EXOC6B: variants seen among roughly 807,000 people sequenced by gnomAD.
EXOC6B encodes SEC15 homolog B.
Under a neutral mutation model 113.5 loss-of-function variants are expected in EXOC6B, and 54 were observed. The observed-to-expected ratio is 0.48, with a 90% CI of 0.38 to 0.60. The LOEUF is 0.60. Ranked by LOEUF, EXOC6B falls within the 20% of genes least tolerant of loss-of-function variation. The pLI is 0.00. For missense variants in EXOC6B, 797 were observed against 977.5 expected (o/e 0.82, Z 2.46); for synonymous variants, 357 against 339.0 (o/e 1.05, Z -0.58).
rs182563735 is a variant in EXOC6B at position 72,416,629 on chromosome 2, G to A, written c.1981-36759C>T. On this transcript the variant is annotated intron_variant, in intron 18 of 21. Coordinates refer to ENST00000272427, the MANE Select transcript of EXOC6B (RefSeq NM_015189.3). ...TAATTGGGTCCTGGTTCTTCTCTTTGGGAAAAGTTTCCCAGTTTACTGTTC... is the reference window on the plus strand; with the variant it reads ...TAATTGGGTCCTGGTTCTTCTCTTTAGGAAAAGTTTCCCAGTTTACTGTTC... 1.6e-4 allele frequency among the ~76,000 whole-genome samples: 24 copies of A among 152,228 alleles called. 2 individuals are homozygous for A. Among genetic ancestry groups the A allele is most frequent in the African/African-American group, 5.5e-4 (23 of 41,540 alleles).
intron 5 of EXOC6B, among the ~76,000 whole-genome samples, chr2:72,729,112 T>A (rs1210589169): frequency 6.6e-6 from 1 of 152,160 alleles, no homozygotes; most frequent in Non-Finnish European, 1.5e-5. Flanking sequence ...GAGAATCATC[T>A]ACATAAACTT....
chr2:72,419,976 G>A (rs182519300), intron 18 of EXOC6B, among the ~76,000 whole-genome samples: 14 of 152,032 alleles, frequency 9.2e-5, no homozygotes, highest in East Asian at 1.9e-4. Context: ...GGTTGTGTTC[G>A]CTTTTCTTCA....
At chr2:72,533,079 T>A (rs965060979) in intron 8 of EXOC6B, among the ~76,000 whole-genome samples, 5 of 152,166 alleles carry the variant, frequency 3.3e-5, no homozygotes, top group African/African-American at 1.2e-4. Context: ...AAGCAATGCC[T>A]GGAAAGAGGG....
At chr2:72,426,250 T>C (rs1275653140) in intron 18 of EXOC6B, among the ~76,000 whole-genome samples, 1 of 152,192 alleles carries the variant, frequency 6.6e-6, no homozygotes, top group Non-Finnish European at 1.5e-5. Context: ...GCCAACACTT[T>C]TCTAACCTTA....
At chr2:72,373,219 T>C (rs887783728) in intron 19 of EXOC6B, among the ~76,000 whole-genome samples, 1 of 151,830 alleles carries the variant, frequency 6.6e-6, no homozygotes, top group African/African-American at 2.4e-5. Context: ...CATGGCCAGC[T>C]AATTTTTGTG....
chr2:72,816,720 T>C (rs187945767), intron 1 of EXOC6B, among the ~76,000 whole-genome samples: 1 of 152,368 alleles, frequency 6.6e-6, no homozygotes, highest in Admixed American at 6.5e-5. Flanking sequence ...TGATGATAAC[T>C]AACAAACTCT....
At chr2:72,481,824 T>TA (rs998900319) in intron 16 of EXOC6B, among the ~76,000 whole-genome samples, 58 of 151,332 alleles carry the variant, frequency 3.8e-4, no homozygotes, top group African/African-American at 1.2e-3. Context: ...CAGTACTGGT[T>TA]AAAAAAAAAG....
intron 7 of EXOC6B, among the ~76,000 whole-genome samples, chr2:72,571,693 T>G (rs1450415936): frequency 6.6e-6 from 1 of 152,206 alleles, no homozygotes; most frequent in East Asian, 1.9e-4. Flanking sequence ...TGTAAGTTGT[T>G]TTTTCATTCA....
At chr2:72,556,890 T>A (rs1319241880) in intron 8 of EXOC6B, among the ~76,000 whole-genome samples, 1 of 151,952 alleles carries the variant, frequency 6.6e-6, no homozygotes, top group African/African-American at 2.4e-5. Context: ...AAGGACATTT[T>A]AAACATTCTA....
chr2:72,370,449 T>C (rs1690928202), intron 19 of EXOC6B, among the ~76,000 whole-genome samples: 1 of 152,174 alleles, frequency 6.6e-6, no homozygotes, highest in Non-Finnish European at 1.5e-5. Flanking sequence ...TGGAAGACAG[T>C]GTGGTGATTC....
intron 1 of EXOC6B, among the ~76,000 whole-genome samples, chr2:72,786,455 G>A (rs964303244): frequency 2.6e-5 from 4 of 152,166 alleles, no homozygotes; most frequent in African/African-American, 9.7e-5. Flanking sequence ...GGTGACTAAT[G>A]TAAACAACTA....
chr2:72,202,510 G>C (rs145467744), intron 20 of EXOC6B, among the ~76,000 whole-genome samples: 1 of 152,268 alleles, frequency 6.6e-6, no homozygotes, highest in Non-Finnish European at 1.5e-5. Flanking sequence ...CTCCAGATTA[G>C]CATTTATCCA....
chr2:72,399,788 C>A (rs762434187), intron 18 of EXOC6B, among the ~76,000 whole-genome samples: 6 of 152,006 alleles, frequency 3.9e-5, no homozygotes, highest in Admixed American at 1.3e-4. Flanking sequence ...ATAGATGACA[C>A]AACCAAATGG....
At chr2:72,676,440 T>C (rs1210970681) in intron 6 of EXOC6B, among the ~76,000 whole-genome samples, 5 of 152,220 alleles carry the variant, frequency 3.3e-5, no homozygotes, top group Non-Finnish European at 5.9e-5. Context: ...TTTGCTCTTT[T>C]GTCTGGAAAA....
chr2:72,825,142 G>A lies in EXOC6B; in HGVS notation c.113+656C>T, dbSNP rs1686823547. 6.6e-6 allele frequency among the ~76,000 whole-genome samples: 1 copy of A among 152,094 alleles called. No individual in the cohort carries two copies. The highest frequency in any genetic ancestry group is 2.1e-4 in the South Asian group (1 of 4,824). On this transcript the variant is annotated intron_variant, in intron 1 of 21. Coordinates refer to ENST00000272427, the MANE Select transcript of EXOC6B (RefSeq NM_015189.3). The surrounding 1 kb of genome is among the most constrained non-coding windows in gnomAD (Gnocchi z 4.4). ...TGACATCTCCAAATAAAATGGAGAT[G>A]TGCGTGCAAAAAAAAATGATAACTG...
At chr2:72,640,941 A>G (rs754394891) in intron 6 of EXOC6B, among the ~76,000 whole-genome samples, 8 of 152,196 alleles carry the variant, frequency 5.3e-5, no homozygotes, top group African/African-American at 1.9e-4. Context: ...ATATATATGC[A>G]CCCAACACAG....
chr2:72,497,082 T>G (rs953452291), intron 13 of EXOC6B, among the ~76,000 whole-genome samples: 1 of 151,290 alleles, frequency 6.6e-6, no homozygotes. Context: ...CAAGCAATCC[T>G]CCCGCCACAG....
intron 19 of EXOC6B, among the ~76,000 whole-genome samples, chr2:72,370,684 A>G (rs933024726): frequency 5.3e-5 from 8 of 152,234 alleles, no homozygotes; most frequent in Non-Finnish European, 1.0e-4. Context: ...ATTCAGCCAT[A>G]AAATATGATG....
intron 1 of EXOC6B, among the ~76,000 whole-genome samples, chr2:72,758,705 T>C (rs2104888929): frequency 6.6e-6 from 1 of 152,334 alleles, no homozygotes; most frequent in East Asian, 1.9e-4. Flanking sequence ...TTTCCAGCTA[T>C]GTCCATAAAT....
Sources: allele counts gnomAD v4.1 joint callset (sites outside exome capture counted in the v4.1 genomes callset), GRCh38; gene constraint gnomAD v4.1.1; non-coding constraint Gnocchi (gnomAD v3.1); transcripts MANE v1.5; gene names NCBI Gene and HGNC (gene_info 2026-07-23, HGNC 2026-07-21).